Variants in ANKS1B observed in about 807,000 individuals in gnomAD.
ANKS1B encodes the protein ankyrin repeat and sterile alpha motif domain containing 1B.
In ANKS1B, 36 loss-of-function variants were observed where a neutral mutation model predicts 148.3. That is an observed-to-expected ratio of 0.24 (90% CI 0.19 to 0.32). The LOEUF is 0.32. ANKS1B is among the 10% of genes least tolerant of loss of function. The pLI is 1.00. For missense variants in ANKS1B, 1,157 were observed against 1,542.6 expected (o/e 0.75, Z 4.19); for synonymous variants, 542 against 560.8 (o/e 0.97, Z 0.47).
chr12:98,960,683 A>C (rs2099869825), intron 17 of ANKS1B, among the ~76,000 whole-genome samples: 1 of 151,734 alleles, frequency 6.6e-6, no homozygotes, highest in African/African-American at 2.4e-5. Flanking sequence ...CCAATCCCAG[A>C]GAGACAGAGA....
intron 12 of ANKS1B, among the ~76,000 whole-genome samples, chr12:99,334,129 A>AATAGATAGATAGATAG (rs777484418): frequency 7.6e-4 from 114 of 150,830 alleles, no homozygotes; most frequent in African/African-American, 2.8e-3. Flanking sequence ...TGCTCCTCTA[A>AATAGATAGATAGATAG]ATAGATAGAT....
chr12:98,798,737 T>C lies in ANKS1B; in HGVS notation c.3342+197A>G, dbSNP rs558749569. Among the ~76,000 whole-genome samples the C allele has an allele frequency of 1.8e-4, 28 of 152,266 alleles. No homozygotes were observed. The South Asian group carries it at 3.3e-3, about 18-fold the overall frequency. ...ACAAATATAGTACAAATATAGCAAA[T>C]AGACATTAACTCAAACTATAGTGAG... On this transcript the variant is annotated intron_variant, in intron 22 of 26. Coordinates refer to ENST00000683438, the MANE Select transcript of ANKS1B (RefSeq NM_001352186.2).
intron 1 of ANKS1B, among the ~76,000 whole-genome samples, chr12:99,840,412 T>C (rs1214280426): frequency 6.6e-6 from 1 of 151,998 alleles, no homozygotes; most frequent in African/African-American, 2.4e-5. Context: ...TCGGAGAGTT[T>C]TGAATGGAGA....
rs1211024563 is a variant in ANKS1B, at chr12:99,449,919, CTATCTATCTAT to C, written c.1439-6121_1439-6111del. Among the ~76,000 whole-genome samples, 155 of 151,878 alleles carry C rather than the reference CTATCTATCTAT, an allele frequency of 1.0e-3. 1 individual carries two copies. Among genetic ancestry groups the C allele is most frequent in the African/African-American group, 3.7e-3 (153 of 41,416 alleles). On this transcript the variant is annotated intron_variant, in intron 10 of 26. Coordinates refer to ENST00000683438, the MANE Select transcript of ANKS1B (RefSeq NM_001352186.2). ...TCTATCTATCTATCTATCTATCTAT[CTATCTATCTAT>C]CTATCTATCTATCTATCTAGACAAA...
At chr12:98,816,118 T>G (rs1160954973) in intron 19 of ANKS1B, among the ~76,000 whole-genome samples, 1 of 152,120 alleles carries the variant, frequency 6.6e-6, no homozygotes, top group Non-Finnish European at 1.5e-5. Context: ...TTGCTTCTCT[T>G]TCTGCCTGAC....
At chr12:99,636,629 G>A (rs1456805905) in intron 9 of ANKS1B, among the ~76,000 whole-genome samples, 2 of 152,122 alleles carry the variant, frequency 1.3e-5, no homozygotes, top group Non-Finnish European at 2.9e-5. Context: ...AATAGAATAT[G>A]AAAAGGACAC....
chr12:99,784,056 G>A (rs892971734), intron 4 of ANKS1B, among the ~76,000 whole-genome samples: 2 of 151,802 alleles, frequency 1.3e-5, no homozygotes, highest in African/African-American at 4.8e-5. Flanking sequence ...ATTTAATGTG[G>A]CTTAAGAAAC....
intron 15 of ANKS1B, among the ~76,000 whole-genome samples, chr12:99,091,606 T>C (rs2054005546): frequency 6.6e-6 from 1 of 152,150 alleles, no homozygotes; most frequent in Non-Finnish European, 1.5e-5. Context: ...GAACAAAACT[T>C]TTTTGTATGC....
At chr12:99,126,568 T>G (rs1298798701) in intron 15 of ANKS1B, among the ~76,000 whole-genome samples, 1 of 152,162 alleles carries the variant, frequency 6.6e-6, no homozygotes, top group Non-Finnish European at 1.5e-5. Context: ...ATGTCATGTT[T>G]TATCTCATGA....
intron 11 of ANKS1B, among the ~76,000 whole-genome samples, chr12:99,408,255 G>A (rs2094579413): frequency 6.9e-6 from 1 of 145,644 alleles, no homozygotes. Context: ...GGTTACATAA[G>A]GGAAAAGACA....
chr12:98,962,328 G>A (rs2099872780), intron 17 of ANKS1B, among the ~76,000 whole-genome samples: 1 of 150,818 alleles, frequency 6.6e-6, no homozygotes, highest in Non-Finnish European at 1.5e-5. Flanking sequence ...ACTATAAGAA[G>A]AGACAAAGAA....
In ANKS1B at chr12:99,406,866, G is replaced by A. The variant is rs542260951; in HGVS notation, c.1576-7055C>T. Among the ~76,000 whole-genome samples the A allele has an allele frequency of 3.4e-5, 5 of 145,728 alleles. No homozygotes were observed. The East Asian group carries it at 9.7e-4, about 28-fold the overall frequency. Reference sequence around the variant, plus strand: ...GCCACAGAAATTCAAAGGATCATTAGAGGCTCCTAGGAGCAAGCAGTAGTC... The same window carrying A: ...GCCACAGAAATTCAAAGGATCATTAAAGGCTCCTAGGAGCAAGCAGTAGTC... On this transcript the variant is annotated intron_variant, in intron 11 of 26. Transcript: ENST00000683438.
At chr12:99,200,570 C>T (rs2081958240) in intron 14 of ANKS1B, among the ~76,000 whole-genome samples, 1 of 152,104 alleles carries the variant, frequency 6.6e-6, no homozygotes, top group Admixed American at 6.6e-5. Context: ...ATTTATTAGG[C>T]TACAGAAATA....
chr12:99,162,560 C>T (rs942208549), intron 14 of ANKS1B, among the ~76,000 whole-genome samples: 2 of 152,008 alleles, frequency 1.3e-5, no homozygotes, highest in Non-Finnish European at 2.9e-5. Flanking sequence ...TCTGCATCAT[C>T]CATCCTCCCT....
At chr12:99,116,771 A>T (rs1320553508) in intron 15 of ANKS1B, among the ~76,000 whole-genome samples, 2 of 152,172 alleles carry the variant, frequency 1.3e-5, no homozygotes, top group African/African-American at 2.4e-5. Flanking sequence ...ATAGCATTGA[A>T]TCCATAAATT....
chr12:98,973,524 G>A (rs773451550), intron 17 of ANKS1B, among the ~76,000 whole-genome samples: 5 of 152,220 alleles, frequency 3.3e-5, no homozygotes, highest in Admixed American at 6.5e-5. Context: ...AGTTTATTAC[G>A]TTTTAAAATG....
At chr12:99,554,904 G>A (rs975381727) in intron 9 of ANKS1B, among the ~76,000 whole-genome samples, 3 of 151,950 alleles carry the variant, frequency 2.0e-5, no homozygotes, top group Non-Finnish European at 2.9e-5. Context: ...TTGTGTCCAC[G>A]TGTCCTCAAT....
chr12:99,804,285 A>G (rs980621177), intron 4 of ANKS1B, among the ~76,000 whole-genome samples: 1 of 152,320 alleles, frequency 6.6e-6, no homozygotes, highest in Non-Finnish European at 1.5e-5. Context: ...CTTTTAGGAA[A>G]ATAACTTTGT....
intron 16 of ANKS1B, among the ~76,000 whole-genome samples, chr12:99,060,655 A>T (rs1316401325): frequency 2.6e-4 from 6 of 23,312 alleles, no homozygotes; most frequent in Non-Finnish European, 5.2e-4. Flanking sequence ...TATACACATC[A>T]CACACACACA....
Sources: gnomAD v4.1 joint callset for allele counts (sites outside exome capture counted in the v4.1 genomes callset) on GRCh38, gnomAD v4.1.1 for gene constraint, MANE v1.5 for transcripts, NCBI Gene and HGNC (gene_info 2026-07-23, HGNC 2026-07-21) for gene names.